MTMR10: variants seen among roughly 807,000 people sequenced by gnomAD.
The protein encoded by MTMR10 is myotubularin-related protein 10.
Under a neutral mutation model 88.1 loss-of-function variants are expected in MTMR10, and 56 were observed. The observed-to-expected ratio is 0.64, with a 90% CI of 0.51 to 0.79. MTMR10 has a LOEUF of 0.79. MTMR10 is among the 30% of genes least tolerant of loss of function. The pLI, the probability that MTMR10 is intolerant of heterozygous loss-of-function variation, is 0.00. For synonymous variants in MTMR10, 380 were observed against 340.9 expected, an observed-to-expected ratio of 1.11 and a Z score of -1.26; for missense variants, 883 against 924.7, an observed-to-expected ratio of 0.95 and a Z score of 0.58.
At chr15:30,987,045 A>G (rs1280654325) in intron 2 of MTMR10, among the ~76,000 whole-genome samples, 1 of 152,264 alleles carries the variant, frequency 6.6e-6, no homozygotes, top group Non-Finnish European at 1.5e-5. Context: ...CATATACAAT[A>G]TAATCACTGA....
In MTMR10 at chr15:30,957,684, T is replaced by G. The variant is rs143005734; in HGVS notation, c.935+1179A>C. 5.0e-3 allele frequency among the ~76,000 whole-genome samples: 764 copies of G among 152,124 alleles called. 6 individuals are homozygous for G. Among genetic ancestry groups the G allele is most frequent in the African/African-American group, 0.018 (727 of 41,524 alleles). ...TCGTACCACTGCACTCCAGCATGGGTGACAGAGTGAGACTCTGTCTCAAAA... is the reference window on the plus strand; with the variant it reads ...TCGTACCACTGCACTCCAGCATGGGGGACAGAGTGAGACTCTGTCTCAAAA... On this transcript the variant is annotated intron_variant, in intron 9 of 15. Transcript: ENST00000435680.
chr15:30,924,246 T>C, the MTMR10 span, among the ~76,000 whole-genome samples: 2 of 152,210 alleles, frequency 1.3e-5, no homozygotes, highest in South Asian at 2.1e-4. Context: ...TAGCCACTCA[T>C]TGGTTGATGG....
chr15:30,925,899 G>A, the MTMR10 span: 18 of 1,614,134 alleles, frequency 1.1e-5, no homozygotes, highest in Non-Finnish European at 1.5e-5. Context: ...CTGTGGAGGA[G>A]CTGGCACTGG....
chr15:30,942,784 G>A, intron 15 of MTMR10, 106 bp downstream of exon 15: 1 of 1,150,050 alleles, frequency 8.7e-7, no homozygotes, highest in African/African-American at 1.6e-5. Flanking sequence ...ACCCGCATTA[G>A]CAGTGTTACT....
intron 2 of MTMR10, among the ~76,000 whole-genome samples, chr15:30,986,961 T>C (rs1007660994): frequency 6.6e-6 from 1 of 152,178 alleles, no homozygotes; most frequent in African/African-American, 2.4e-5. Context: ...AAATATATAC[T>C]GGAACACAAA....
chr15:30,956,731 G>C (rs922587972), intron 9 of MTMR10, among the ~76,000 whole-genome samples: 1 of 152,174 alleles, frequency 6.6e-6, no homozygotes, highest in African/African-American at 2.4e-5. Flanking sequence ...AACACAAAAG[G>C]CATTAAAGTA....
intron 3 of MTMR10, 64 bp downstream of exon 3, chr15:30,976,752 TATA>T: frequency 1.3e-6 from 2 of 1,497,986 alleles, no homozygotes; most frequent in Non-Finnish European, 1.8e-6. Context: ...CTATGTTTTA[TATA>T]ATAATATGTA....
In MTMR10 at chr15:30,979,636, G is replaced by A. The variant is rs1238634154; in HGVS notation, c.122-2681C>T. On this transcript the variant is annotated intron_variant, in intron 2 of 15. Transcript: ENST00000435680. The stretch of plus-strand genomic sequence containing the variant: ...AGAAGGGAAGCAGAAGTAATAACAG[G>A]AAGGAAGAGACAGAGCTTGTGTGGC... Among the ~76,000 whole-genome samples the A allele has an allele frequency of 2.0e-5, 3 of 152,136 alleles. No individual in the cohort carries two copies. The East Asian group carries it at 5.8e-4, about 29-fold the overall frequency.
chr15:30,957,693 G>A (rs2063346177), intron 9 of MTMR10, among the ~76,000 whole-genome samples: 1 of 152,116 alleles, frequency 6.6e-6, no homozygotes, highest in Non-Finnish European at 1.5e-5. Context: ...GTGACAGAGT[G>A]AGACTCTGTC....
rs561862738 is a variant in MTMR10 at position 30,951,011 on chromosome 15, C to T, written c.1207+957G>A. 1.8e-3 allele frequency among the ~76,000 whole-genome samples: 269 copies of T among 152,338 alleles called. 2 individuals carry two copies. The highest frequency in any genetic ancestry group is 6.1e-3 in the African/African-American group (254 of 41,570). The stretch of plus-strand genomic sequence containing the variant: ...TGTTCATTACGGCCAAAGCTTTCCC[C>T]CGCCAATATTTTCAGTCCTGGGTTG... On this transcript the variant is annotated intron_variant, in intron 12 of 15. Transcript: ENST00000435680.
At chr15:30,955,014 G>A in intron 9 of MTMR10, 121 bp from the exon 10 acceptor site, 1 of 839,182 alleles carries the variant, frequency 1.2e-6, no homozygotes. Flanking sequence ...TGCCTTCATG[G>A]AGTTTACTTT....
In MTMR10 at chr15:30,942,819, G is replaced by A. The variant is rs748714277; in HGVS notation, c.1731+71C>T. On this transcript the variant is annotated intron_variant, in intron 15 of 15. Coordinates refer to ENST00000435680, the MANE Select transcript of MTMR10 (RefSeq NM_017762.3). Reference sequence around the variant, plus strand: ...TCTTGGAAGTGCCTTTACTTTTAACGCTCTCTGTTCTGAAAAAGAGGTGTT... The same window carrying A: ...TCTTGGAAGTGCCTTTACTTTTAACACTCTCTGTTCTGAAAAAGAGGTGTT... The A allele has an allele frequency of 6.0e-5, 84 of 1,411,342 alleles. No homozygotes were observed. In the East Asian group the frequency reaches 6.1e-4, roughly 10 times the overall value. 87.4% of individuals were successfully genotyped at this position (1,411,342 alleles called of 1,614,324 possible).
In MTMR10 at chr15:30,940,834, T is replaced by TA. The variant is rs1227818966; in HGVS notation, c.*635dup. 2.0e-6 allele frequency: 2 copies of TA among 989,044 alleles called. No individual in the cohort carries two copies. Among genetic ancestry groups the TA allele is most frequent in the African/African-American group, 1.7e-5 (1 of 57,266 alleles). 61.3% of individuals were successfully genotyped at this position (989,044 alleles called of 1,614,324 possible). ...CTAAAGTCAAAGGCACTTCTAAGTT[T>TA]AATTATCTGCAGCAAATGCTTTAAA... On this transcript the variant is annotated 3_prime_UTR_variant, in exon 16 of 16. Transcript: ENST00000435680.
chr15:30,936,672 G>A (rs1566936843), downstream of MTMR10, among the ~76,000 whole-genome samples: 1 of 152,140 alleles, frequency 6.6e-6, no homozygotes, highest in Non-Finnish European at 1.5e-5. Context: ...AGTTGAAAAT[G>A]CATTTAACAT....
At chr15:30,946,690 T>C (rs1479225299) in intron 14 of MTMR10, 3 of 701,114 alleles carry the variant, frequency 4.3e-6, no homozygotes, top group Non-Finnish European at 7.8e-6. Flanking sequence ...TGCTTAGTCA[T>C]AAATCCTCTA....
At chr15:30,922,263 T>C in the MTMR10 span, 1 of 1,612,924 alleles carries the variant, frequency 6.2e-7, no homozygotes, top group Non-Finnish European at 8.5e-7. Context: ...GAAAGCCTTT[T>C]GTCTCAGAGA....
chr15:30,990,354 G>A (rs1348654011), intron 2 of MTMR10, among the ~76,000 whole-genome samples: 1 of 152,172 alleles, frequency 6.6e-6, no homozygotes, highest in African/African-American at 2.4e-5. Flanking sequence ...ACTGAAACAA[G>A]CAAATTTGCA....
chr15:30,935,185 G>A (rs567575001), downstream of MTMR10, among the ~76,000 whole-genome samples: 1 of 152,250 alleles, frequency 6.6e-6, no homozygotes, highest in Admixed American at 6.5e-5. Context: ...GTGTGCACTT[G>A]TAGTCCCAGC....
intron 12 of MTMR10, 46 bp from the exon 13 acceptor site, chr15:30,948,517 T>A: frequency 6.5e-7 from 1 of 1,539,458 alleles, no homozygotes; most frequent in African/African-American, 1.4e-5. Flanking sequence ...AGAAAAATGC[T>A]GAGAGAGAAA....
Sources: allele counts gnomAD v4.1 joint callset (sites outside exome capture counted in the v4.1 genomes callset), GRCh38; gene constraint gnomAD v4.1.1; transcripts MANE v1.5; gene names NCBI Gene and HGNC (gene_info 2026-07-23, HGNC 2026-07-21).